DCC: variants seen among roughly 807,000 people sequenced by gnomAD.
DCC encodes netrin receptor DCC.
Under a neutral mutation model 172.5 loss-of-function variants are expected in DCC, and 58 were observed. The ratio of observed to expected loss-of-function variants is 0.34; its 90% CI spans 0.27 to 0.42. The LOEUF is 0.42. Among genes scored for constraint, DCC ranks in the 10% least tolerant of loss-of-function variants. DCC has a pLI of 1.00. For synonymous variants in DCC, 709 were observed against 644.5 expected (o/e 1.10, Z -1.52); for missense variants, 1,740 against 1,791.0 (o/e 0.97, Z 0.51).
Position 53,176,482 on chromosome 18 carries a change from G to GA in DCC, c.1419-2473dup, listed in dbSNP as rs1314096041. 2.6e-3 allele frequency among the ~76,000 whole-genome samples: 384 copies of GA among 149,544 alleles called. 2 individuals are homozygous for GA. Among genetic ancestry groups the GA allele is most frequent in the Admixed American group, 5.6e-3 (84 of 15,054 alleles). ...ACAATGAACTCAAACAAATTTACAA[G>GA]AAAAAAACAAACAACCCCATCAAAA... On this transcript the variant is annotated intron_variant, in intron 8 of 28. Transcript: ENST00000442544.
chr18:53,484,599 A>T (rs1454186866), intron 25 of DCC, among the ~76,000 whole-genome samples: 1 of 151,878 alleles, frequency 6.6e-6, no homozygotes, highest in East Asian at 1.9e-4. Context: ...TTTTGTGTTA[A>T]TTTTTCTGTA....
intron 2 of DCC, among the ~76,000 whole-genome samples, chr18:52,806,877 C>T (rs190343664): frequency 4.6e-5 from 7 of 152,224 alleles, no homozygotes; most frequent in African/African-American, 1.7e-4. Context: ...GAACTTTTGA[C>T]CTCAGGCATC....
In DCC at chr18:52,726,918, T is replaced by A. The variant is rs569468567; in HGVS notation, c.92-25136T>A. ...ACTGCTATTGGTGTTATCATCAGTA[T>A]TAATTATAGTTATGAAAAGAAAGCT... On this transcript the variant is annotated intron_variant, in intron 1 of 28. Transcript: ENST00000442544. Among the ~76,000 whole-genome samples the A allele has an allele frequency of 2.6e-4, 39 of 152,322 alleles. 1 individual carries two copies. Among genetic ancestry groups the A allele is most frequent in the African/African-American group, 7.9e-4 (33 of 41,566 alleles).
intron 26 of DCC, among the ~76,000 whole-genome samples, chr18:53,488,414 T>G (rs1396927468): frequency 6.6e-6 from 1 of 152,168 alleles, no homozygotes; most frequent in African/African-American, 2.4e-5. Context: ...ATGACCTTTA[T>G]CGGGTTTCTC....
chr18:52,791,635 C>T (rs143280443), intron 2 of DCC, among the ~76,000 whole-genome samples: 6 of 152,094 alleles, frequency 3.9e-5, no homozygotes, highest in Middle Eastern at 3.4e-3. Flanking sequence ...GCTTTGACTT[C>T]CTGGACTTGT....
intron 1 of DCC, among the ~76,000 whole-genome samples, chr18:52,595,568 C>A (rs2033892052): frequency 6.6e-6 from 1 of 152,170 alleles, no homozygotes; most frequent in African/African-American, 2.4e-5. Context: ...TCATTTTAAA[C>A]ATGCCATTCT....
chr18:52,461,008 C>A (rs1988612324), intron 1 of DCC, among the ~76,000 whole-genome samples: 1 of 152,082 alleles, frequency 6.6e-6, no homozygotes, highest in East Asian at 1.9e-4. Context: ...TACTGTAATT[C>A]TTTTGCTTTA....
chr18:52,525,206 C>T (rs541272393), intron 1 of DCC, among the ~76,000 whole-genome samples: 2 of 152,174 alleles, frequency 1.3e-5, no homozygotes, highest in South Asian at 2.1e-4. Flanking sequence ...CCAAAGCTTT[C>T]TATGTCCCCT....
chr18:52,518,646 G>T (rs2144661845), intron 1 of DCC, among the ~76,000 whole-genome samples: 1 of 152,272 alleles, frequency 6.6e-6, no homozygotes, highest in Middle Eastern at 3.4e-3. Context: ...AAATGAGCCG[G>T]CATGATGAAT....
At chr18:52,989,591 G>A (rs1038673846) in intron 5 of DCC, among the ~76,000 whole-genome samples, 2 of 152,126 alleles carry the variant, frequency 1.3e-5, no homozygotes, top group South Asian at 4.1e-4. Context: ...GAAATAAATT[G>A]CACCTTGCCT....
In DCC at chr18:53,115,473, G is replaced by A. The variant is rs370645284; in HGVS notation, c.1262-41883G>A. Among the ~76,000 whole-genome samples, 3 of 151,424 alleles carry A rather than the reference G, an allele frequency of 2.0e-5. No homozygotes were observed. In the East Asian group the frequency reaches 5.9e-4, roughly 30 times the overall value. ...TATAGAAACTAGTAGTGACTTAATT[G>A]AATGAAATGACTAGAAGATAGCTTT... On this transcript the variant is annotated intron_variant, in intron 7 of 28. Coordinates refer to ENST00000442544, the MANE Select transcript of DCC (RefSeq NM_005215.4).
At chr18:53,309,947 T>C (rs1184392893) in intron 13 of DCC, among the ~76,000 whole-genome samples, 2 of 123,084 alleles carry the variant, frequency 1.6e-5, no homozygotes, top group African/African-American at 3.0e-5. Flanking sequence ...TATATATACA[T>C]GTATATATAC....
chr18:53,378,191 C>T (rs1907447474), intron 15 of DCC, among the ~76,000 whole-genome samples: 1 of 151,990 alleles, frequency 6.6e-6, no homozygotes. Context: ...GAACTCCTGG[C>T]CTCAGGTTAT....
intron 5 of DCC, among the ~76,000 whole-genome samples, chr18:52,960,324 TC>T (rs942418796): frequency 2.0e-5 from 3 of 152,162 alleles, no homozygotes; most frequent in Non-Finnish European, 4.4e-5. Context: ...ATTACATAAA[TC>T]ACTACACTTT....
intron 1 of DCC, among the ~76,000 whole-genome samples, chr18:52,354,221 A>G (rs1452767670): frequency 6.6e-6 from 1 of 152,172 alleles, no homozygotes; most frequent in East Asian, 1.9e-4. Flanking sequence ...AGCCCCAGGT[A>G]AACTGGAATA....
intron 7 of DCC, among the ~76,000 whole-genome samples, chr18:53,149,556 C>T (rs1328678086): frequency 1.3e-5 from 2 of 152,190 alleles, no homozygotes; most frequent in Non-Finnish European, 2.9e-5. Context: ...GTGGTACTTG[C>T]TGTATCTTCA....
chr18:53,193,927 C>T (rs994873173), intron 9 of DCC, among the ~76,000 whole-genome samples: 2 of 152,160 alleles, frequency 1.3e-5, no homozygotes, highest in Non-Finnish European at 2.9e-5. Flanking sequence ...TCCTTTTCCT[C>T]TAATAAATGA....
intron 22 of DCC, among the ~76,000 whole-genome samples, chr18:53,441,671 G>T (rs1238524836): frequency 6.6e-6 from 1 of 152,056 alleles, no homozygotes. Context: ...TGGCCACTTT[G>T]CCTGATTGTA....
At chr18:52,382,827 C>A (rs1436525370) in intron 1 of DCC, among the ~76,000 whole-genome samples, 1 of 152,044 alleles carries the variant, frequency 6.6e-6, no homozygotes, top group African/African-American at 2.4e-5. Flanking sequence ...ACCTGTAATA[C>A]TCAGGTGCCT....
Sources: gnomAD v4.1 joint callset for allele counts (sites outside exome capture counted in the v4.1 genomes callset) on GRCh38, gnomAD v4.1.1 for gene constraint, MANE v1.5 for transcripts, NCBI Gene and HGNC (gene_info 2026-07-23, HGNC 2026-07-21) for gene names.